ST3GAL3: variants seen among roughly 807,000 people sequenced by gnomAD.
The protein encoded by ST3GAL3 is ST3 beta-galactoside alpha-2,3-sialyltransferase 3.
A neutral mutation model predicts 50.1 loss-of-function variants in ST3GAL3; 21 were observed. The ratio of observed to expected loss-of-function variants is 0.42; its 90% CI spans 0.30 to 0.60. ST3GAL3 has a LOEUF of 0.60. ST3GAL3 is among the 20% of genes least tolerant of loss of function. The probability of loss-of-function intolerance (pLI) is 0.19; values close to 1 mark genes in which losing one functional copy is unlikely to be tolerated. For missense variants in ST3GAL3, 353 were observed against 489.4 expected (o/e 0.72, Z 2.63); for synonymous variants, 183 against 190.0 (o/e 0.96, Z 0.30).
intron 2 of ST3GAL3, among the ~76,000 whole-genome samples, chr1:43,782,954 C>T (rs1424897677): frequency 1.3e-5 from 2 of 152,054 alleles, no homozygotes; most frequent in Non-Finnish European, 2.9e-5. Context: ...CAGGATGCTG[C>T]CCCAAACCTC....
chr1:43,743,559 A>T, intron 2 of ST3GAL3: 1 of 407,264 alleles, frequency 2.5e-6, no homozygotes, highest in Non-Finnish European at 4.9e-6. Flanking sequence ...TTAGTAAACT[A>T]ATGAAAGCTT....
intron 3 of ST3GAL3, among the ~76,000 whole-genome samples, chr1:43,803,704 G>C (rs2059573771): frequency 6.6e-6 from 1 of 152,208 alleles, no homozygotes; most frequent in African/African-American, 2.4e-5. Context: ...TGAATCTTTT[G>C]CTATGACATC....
chr1:43,807,608 G>A (rs1310072185), intron 3 of ST3GAL3, among the ~76,000 whole-genome samples: 1 of 152,120 alleles, frequency 6.6e-6, no homozygotes, highest in Admixed American at 6.6e-5. Context: ...TTACAGCACA[G>A]AGCATCTATT....
intron 1 of ST3GAL3, among the ~76,000 whole-genome samples, chr1:43,721,260 AAAG>A (rs770553992): frequency 4.6e-5 from 7 of 151,736 alleles, no homozygotes; most frequent in East Asian, 1.9e-4. Context: ...AAGAAAAAAA[AAAG>A]AAGAAAAGAA....
At chr1:43,756,633 A>G (rs148564375) in intron 2 of ST3GAL3, among the ~76,000 whole-genome samples, 24 of 152,298 alleles carry the variant, frequency 1.6e-4, no homozygotes, top group African/African-American at 5.8e-4. Context: ...AAGGGAGAAT[A>G]AAAGTGAAGA....
At chr1:43,728,589 T>TA (rs1014762408) in intron 1 of ST3GAL3, among the ~76,000 whole-genome samples, 3 of 152,086 alleles carry the variant, frequency 2.0e-5, no homozygotes, top group African/African-American at 7.2e-5. Context: ...CACAAAAAGT[T>TA]AAAAAAATTT....
chr1:43,747,654 C>T (rs1389187919), intron 2 of ST3GAL3, among the ~76,000 whole-genome samples: 1 of 146,868 alleles, frequency 6.8e-6, no homozygotes, highest in Non-Finnish European at 1.5e-5. Context: ...CATCTTGGCT[C>T]ACTGCAACCT....
intron 2 of ST3GAL3, among the ~76,000 whole-genome samples, chr1:43,764,411 G>T (rs918590538): frequency 3.9e-5 from 6 of 151,994 alleles, no homozygotes; most frequent in African/African-American, 1.5e-4. Flanking sequence ...GTAGAGTCGC[G>T]CAACACAATA....
At chr1:43,802,213 GATAC>G (rs1558362247) in intron 3 of ST3GAL3, among the ~76,000 whole-genome samples, 1 of 152,028 alleles carries the variant, frequency 6.6e-6, no homozygotes, top group Non-Finnish European at 1.5e-5. Flanking sequence ...GCTTTTTAAT[GATAC>G]TCTCTTAAAA....
intron 4 of ST3GAL3, among the ~76,000 whole-genome samples, chr1:43,823,359 C>T (rs1449291400): frequency 6.6e-6 from 1 of 152,168 alleles, no homozygotes; most frequent in Non-Finnish European, 1.5e-5. Context: ...ATTGTTTTAT[C>T]CTGCGCTCCT....
chr1:43,716,142 C>T (rs1333965845), intron 1 of ST3GAL3, among the ~76,000 whole-genome samples: 1 of 152,160 alleles, frequency 6.6e-6, no homozygotes, highest in Non-Finnish European at 1.5e-5. Context: ...TAGTTTCTAG[C>T]CTCTGATAAT....
intron 4 of ST3GAL3, among the ~76,000 whole-genome samples, chr1:43,817,592 C>T (rs1558437728): frequency 5.5e-5 from 3 of 54,094 alleles, no homozygotes; most frequent in Non-Finnish European, 7.9e-5. Flanking sequence ...CCTCCTTCTC[C>T]TCCTCCCTTC....
In ST3GAL3 at chr1:43,753,585, C is replaced by G. The variant is rs1686970589; in HGVS notation, c.118+17205C>G. ...GGAGGAATGCAGACAGGTCTCAGTT[C>G]CCTCCCTGCTGCTCTCTATTACTTT... On this transcript the variant is annotated intron_variant, in intron 2 of 11. Transcript: ENST00000347631. Among the ~76,000 whole-genome samples the G allele has an allele frequency of 4.6e-5, 7 of 152,122 alleles. 1 individual carries two copies. In the South Asian group the frequency reaches 1.5e-3, roughly 32 times the overall value.
At chr1:43,735,908 AAC>A (rs1412372259) in intron 1 of ST3GAL3, among the ~76,000 whole-genome samples, 1 of 152,232 alleles carries the variant, frequency 6.6e-6, no homozygotes, top group Non-Finnish European at 1.5e-5. Flanking sequence ...ATGCTGTGAT[AAC>A]ACAATCTAGG....
chr1:43,911,634 T>TGTAG (rs1557497139), intron 9 of ST3GAL3, among the ~76,000 whole-genome samples: 1 of 127,762 alleles, frequency 7.8e-6, no homozygotes, highest in Non-Finnish European at 1.6e-5. Context: ...TATAGATATC[T>TGTAG]ATATCTATAG....
intron 2 of ST3GAL3, among the ~76,000 whole-genome samples, chr1:43,741,872 T>C (rs557727731): frequency 6.6e-6 from 1 of 152,274 alleles, no homozygotes; most frequent in South Asian, 2.1e-4. Context: ...CCCTGTTCTG[T>C]GAGTGGAGTC....
intron 5 of ST3GAL3, among the ~76,000 whole-genome samples, chr1:43,861,250 C>G (rs985102068): frequency 6.6e-6 from 1 of 152,184 alleles, no homozygotes. Context: ...CTGCAAAATG[C>G]GAATAACAGC....
At chr1:43,876,206 C>T (rs1013480942) in intron 5 of ST3GAL3, among the ~76,000 whole-genome samples, 8 of 152,000 alleles carry the variant, frequency 5.3e-5, no homozygotes, top group South Asian at 4.2e-4. Context: ...TCAAGCAATC[C>T]GCCCGCCTCG....
chr1:43,920,311 C>G (rs1314442039), intron 9 of ST3GAL3, 93 bp from the exon 10 acceptor site: 1 of 1,539,050 alleles, frequency 6.5e-7, no homozygotes, highest in Non-Finnish European at 9.0e-7. Context: ...CTCATGCTCC[C>G]GCCTCACTGT....
Sources: gnomAD v4.1 joint callset for allele counts (sites outside exome capture counted in the v4.1 genomes callset) on GRCh38, gnomAD v4.1.1 for gene constraint, MANE v1.5 for transcripts, NCBI Gene and HGNC (gene_info 2026-07-23, HGNC 2026-07-21) for gene names.